CATSPERE: variants seen among roughly 807,000 people sequenced by gnomAD.
CATSPERE encodes the protein catsper channel auxiliary subunit epsilon.
In CATSPERE, 93 loss-of-function variants were observed where a neutral mutation model predicts 114.1. That is an observed-to-expected ratio of 0.81 (90% confidence interval 0.69 to 0.97). The LOEUF is 0.97. Ranked by LOEUF, CATSPERE falls within the 50% of genes least tolerant of loss-of-function variation. CATSPERE has a pLI of 0.00. For synonymous variants in CATSPERE, 341 were observed against 384.1 expected, an observed-to-expected ratio of 0.89 and a Z score of 1.31; for missense variants, 1,058 against 1,131.6, an observed-to-expected ratio of 0.93 and a Z score of 0.93.
intron 8 of CATSPERE, among the ~76,000 whole-genome samples, chr1:244,539,481 G>A (rs187175744): frequency 0.06 from 7,691 of 127,270 alleles, 351 homozygotes; most frequent in South Asian, 0.075. Context: ...AATGATGCTG[G>A]CCTCATAAAG....
At chr1:244,479,321 C>T (rs1328459806) in intron 4 of CATSPERE, among the ~76,000 whole-genome samples, 1 of 152,002 alleles carries the variant, frequency 6.6e-6, no homozygotes, top group Non-Finnish European at 1.5e-5. Flanking sequence ...TCGAACTTCT[C>T]ACCACAGGTG....
At chr1:244,519,025 T>TACAC (rs769775193) in intron 8 of CATSPERE, among the ~76,000 whole-genome samples, 38 of 150,000 alleles carry the variant, frequency 2.5e-4, no homozygotes, top group African/African-American at 5.1e-4. Context: ...TACACACACA[T>TACAC]ACACACACAC....
chr1:244,462,450 T>C (rs1666968766), intron 1 of CATSPERE, among the ~76,000 whole-genome samples: 1 of 152,182 alleles, frequency 6.6e-6, no homozygotes, highest in Admixed American at 6.5e-5. Flanking sequence ...AGTGAGAAGC[T>C]GTTGAGGGAG....
At chr1:244,506,006 A>AAAAAAC (rs994114918) in intron 7 of CATSPERE, among the ~76,000 whole-genome samples, 1 of 152,156 alleles carries the variant, frequency 6.6e-6, no homozygotes, top group South Asian at 2.1e-4. Context: ...ACCCCATCTC[A>AAAAAAC]AAAAACAAAA....
chr1:244,568,238 C>T lies in CATSPERE; in HGVS notation c.1508-4092C>T, dbSNP rs1663895904. ...AAGCTTTGTCCCAGAGGGGCACCCG[C>T]CAGATGCCAGCCAGAGCTCTTCTGT... On this transcript the variant is annotated intron_variant, in intron 10 of 21. Transcript: ENST00000366534. This position sits in a 1 kb window ranked among gnomAD's most constrained non-coding sequence, Gnocchi z 4.4. 6.6e-6 allele frequency among the ~76,000 whole-genome samples: 1 copy of T among 152,132 alleles called. No individual in the cohort carries two copies. The highest frequency in any genetic ancestry group is 2.4e-5 in the African/African-American group (1 of 41,424).
chr1:244,602,625 A>G (rs1346412825), intron 17 of CATSPERE, among the ~76,000 whole-genome samples: 1 of 152,214 alleles, frequency 6.6e-6, no homozygotes, highest in African/African-American at 2.4e-5. Flanking sequence ...TCAGAGTCCC[A>G]GGGCTTGCCC....
chr1:244,529,441 C>T (rs1176837561), intron 8 of CATSPERE, among the ~76,000 whole-genome samples: 3 of 152,138 alleles, frequency 2.0e-5, no homozygotes, highest in Non-Finnish European at 4.4e-5. Flanking sequence ...TTTTCATATA[C>T]CTATTTACCA....
chr1:244,596,029 A>T (rs1270672018), intron 17 of CATSPERE, among the ~76,000 whole-genome samples: 1 of 152,228 alleles, frequency 6.6e-6, no homozygotes, highest in Non-Finnish European at 1.5e-5. Flanking sequence ...GAGACCAGCT[A>T]GTCAACTGTA....
chr1:244,529,910 G>A (rs1679320449), intron 8 of CATSPERE, among the ~76,000 whole-genome samples: 1 of 152,022 alleles, frequency 6.6e-6, no homozygotes, highest in Non-Finnish European at 1.5e-5. Flanking sequence ...TAGGGGTCTA[G>A]TTTCATTCTT....
chr1:244,518,642 CA>C lies in CATSPERE; in HGVS notation c.481del (p.Ile161TyrfsTer5). ...TGGCCACATTGGGACAGAAGCCTGTCATACATACAGTTCTGAAGAGAAAAGT... is the reference window on the plus strand; with the variant it reads ...TGGCCACATTGGGACAGAAGCCTGTCTACATACAGTTCTGAAGAGAAAAGT... ...QMATLGQKPV[I>X]HTVLKRKVYS... On this transcript the variant is annotated frameshift_variant, in exon 8 of 22. Transcript: ENST00000366534. LOFTEE classifies it high-confidence loss of function. 6.2e-7 allele frequency: 1 copy of C among 1,601,922 alleles called. No homozygotes were observed. Among genetic ancestry groups the C allele is most frequent in the East Asian group, 2.3e-5 (1 of 44,420 alleles).
chr1:244,600,761 C>G (rs938626403), intron 17 of CATSPERE, among the ~76,000 whole-genome samples: 1 of 151,840 alleles, frequency 6.6e-6, no homozygotes, highest in Non-Finnish European at 1.5e-5. Flanking sequence ...AATCGATCAT[C>G]AAATCCAGAG....
intron 16 of CATSPERE, 28 bp downstream of exon 16, chr1:244,593,456 G>A: frequency 1.9e-6 from 3 of 1,613,624 alleles, no homozygotes; most frequent in Non-Finnish European, 2.5e-6. Context: ...TTCTGTCAAT[G>A]GACCAAATAT....
At chr1:244,588,655 T>C (rs1558550103) in intron 14 of CATSPERE, 121 bp downstream of exon 14, 1 of 760,488 alleles carries the variant, frequency 1.3e-6, no homozygotes, top group Non-Finnish European at 2.3e-6. Context: ...AATCCAAAAC[T>C]GAATTGACGT....
At chr1:244,503,811 T>A (rs1376311239) in intron 7 of CATSPERE, among the ~76,000 whole-genome samples, 1 of 152,144 alleles carries the variant, frequency 6.6e-6, no homozygotes, top group Non-Finnish European at 1.5e-5. Context: ...GCTCAAGCGA[T>A]CCACCCACCT....
rs764243299 is a variant in CATSPERE at position 244,572,545 on chromosome 1, A to T, written c.1723A>T (p.Ile575Leu). ...TCCCTTACATCTGGAAGCACAAAGT[A>T]TAGCTTTCACAACAAAAGACAAATG... ...DYPLHLEAQSIAFTTKDKCPY... is the reference protein window; with the variant it reads ...DYPLHLEAQSLAFTTKDKCPY... The change falls in exon 11 of 22, where the codon ATA becomes TTA. Residue 575 changes from isoleucine (I) to leucine (L), a missense_variant. Physicochemically the swap from Ile to Leu is conservative, Grantham distance 5 (BLOSUM62 2). Coordinates refer to ENST00000366534, the MANE Select transcript of CATSPERE (RefSeq NM_001130957.2). 6.2e-7 allele frequency: 1 copy of T among 1,614,080 alleles called. No homozygotes were observed. The highest frequency in any genetic ancestry group is 8.5e-7 in the Non-Finnish European group (1 of 1,179,906).
intron 13 of CATSPERE, 42 bp downstream of exon 13, chr1:244,583,981 A>C (rs1256934351): frequency 1.9e-6 from 3 of 1,560,538 alleles, no homozygotes; most frequent in Admixed American, 1.7e-5. Context: ...TCACTTCAAG[A>C]ATGTATAGGC....
At chr1:244,531,454 A>T (rs960417018) in intron 8 of CATSPERE, among the ~76,000 whole-genome samples, 4 of 152,006 alleles carry the variant, frequency 2.6e-5, no homozygotes, top group Non-Finnish European at 4.4e-5. Flanking sequence ...TATGATACTA[A>T]CTGTGGATCT....
chr1:244,522,271 T>C (rs1488299741), intron 8 of CATSPERE, among the ~76,000 whole-genome samples: 1 of 152,174 alleles, frequency 6.6e-6, no homozygotes, highest in East Asian at 1.9e-4. Flanking sequence ...GAAATAAAGA[T>C]GTTCTTTGAA....
rs145870527 is a variant in CATSPERE, at chr1:244,568,278, A to G, written c.1508-4052A>G. On this transcript the variant is annotated intron_variant, in intron 10 of 21. Transcript: ENST00000366534. The surrounding 1 kb of genome is among the most constrained non-coding windows in gnomAD (Gnocchi z 4.4). ...AGCTCTTCTGTATGAGGTGTCTGTC[A>G]ACCCCTGCTAGGAGGTGTCTTCCAG... Among the ~76,000 whole-genome samples, 1,526 of 152,240 alleles carry G rather than the reference A, an allele frequency of 0.01. 31 individuals carry two copies. The highest frequency in any genetic ancestry group is 0.034 in the African/African-American group (1,403 of 41,564).
Sources: allele counts gnomAD v4.1 joint callset (sites outside exome capture counted in the v4.1 genomes callset), GRCh38; gene constraint gnomAD v4.1.1; non-coding constraint Gnocchi (gnomAD v3.1); transcripts MANE v1.5; gene names NCBI Gene and HGNC (gene_info 2026-07-23, HGNC 2026-07-21).